Variants in ELL2 observed in about 807,000 individuals in gnomAD.
ELL2 encodes elongation factor for RNA polymerase II 2.
A neutral mutation model predicts 72.8 loss-of-function variants in ELL2; 21 were observed. The observed-to-expected ratio is 0.29, with a 90% CI of 0.20 to 0.42. The LOEUF is 0.42. ELL2 is among the 10% of genes least tolerant of loss of function. The probability of loss-of-function intolerance (pLI) is 1.00; values close to 1 mark genes in which losing one functional copy is unlikely to be tolerated. For synonymous variants in ELL2, 266 were observed against 283.2 expected, an observed-to-expected ratio of 0.94 and a Z score of 0.61; for missense variants, 568 against 772.8, an observed-to-expected ratio of 0.73 and a Z score of 3.14.
At chr5:95,938,454 T>C (rs959839271) in intron 2 of ELL2, among the ~76,000 whole-genome samples, 8 of 152,230 alleles carry the variant, frequency 5.3e-5, no homozygotes, top group Non-Finnish European at 1.0e-4. Context: ...CCCGGTATGG[T>C]GCTTTAAACC....
At chr5:95,918,647 T>C (rs895316469) in intron 3 of ELL2, among the ~76,000 whole-genome samples, 9 of 152,200 alleles carry the variant, frequency 5.9e-5, no homozygotes, top group African/African-American at 1.9e-4. Context: ...TCTAGGGTAC[T>C]TGGGGCTAAT....
intron 4 of ELL2, among the ~76,000 whole-genome samples, chr5:95,909,400 C>CA (rs1190888034): frequency 1.3e-5 from 2 of 152,158 alleles, no homozygotes; most frequent in African/African-American, 4.8e-5. Flanking sequence ...ACTCAAAGAT[C>CA]ACTTGTTCAC....
intron 9 of ELL2, 96 bp downstream of exon 9, chr5:95,895,532 A>C (rs927677944): frequency 8.5e-6 from 10 of 1,171,892 alleles, no homozygotes; most frequent in Non-Finnish European, 1.3e-5. Context: ...CTATTTCTGG[A>C]ACTTCTTACT....
intron 10 of ELL2, chr5:95,890,872 G>C (rs1039022732): frequency 1.9e-6 from 1 of 531,084 alleles, no homozygotes; most frequent in South Asian, 2.0e-5. Flanking sequence ...TTCTCAATAT[G>C]TGATACATTA....
chr5:95,906,139 C>T (rs1177930204), intron 5 of ELL2, among the ~76,000 whole-genome samples: 1 of 152,202 alleles, frequency 6.6e-6, no homozygotes, highest in Non-Finnish European at 1.5e-5. Context: ...AAAAAATGTT[C>T]TGGCTTATAC....
chr5:95,922,849 A>G (rs1750142340), intron 2 of ELL2, among the ~76,000 whole-genome samples: 1 of 152,218 alleles, frequency 6.6e-6, no homozygotes, highest in Admixed American at 6.5e-5. Context: ...TGTACTCACC[A>G]AAGTGTTTTG....
At chr5:95,942,120 T>C (rs1177527712) in intron 2 of ELL2, among the ~76,000 whole-genome samples, 2 of 152,214 alleles carry the variant, frequency 1.3e-5, no homozygotes, top group African/African-American at 4.8e-5. Context: ...GTTTTCCAGT[T>C]ATAAAGGTTA....
intron 4 of ELL2, among the ~76,000 whole-genome samples, chr5:95,907,558 T>C (rs965985491): frequency 7.2e-5 from 11 of 152,230 alleles, no homozygotes; most frequent in Admixed American, 6.5e-4. Context: ...CTAGAACATG[T>C]GTGGGCTGAG....
At chr5:95,937,710 T>A (rs1416907601) in intron 2 of ELL2, among the ~76,000 whole-genome samples, 1 of 152,138 alleles carries the variant, frequency 6.6e-6, no homozygotes, top group Non-Finnish European at 1.5e-5. Context: ...ACTACCTTTA[T>A]AAAGAAATAT....
intron 8 of ELL2, among the ~76,000 whole-genome samples, chr5:95,896,617 G>C (rs533354693): frequency 1.3e-5 from 2 of 152,118 alleles, no homozygotes; most frequent in African/African-American, 4.8e-5. Context: ...ATGCTTTTAC[G>C]ATAGTCTGAG....
At chr5:95,933,686 C>T (rs894255773) in intron 2 of ELL2, among the ~76,000 whole-genome samples, 1 of 151,882 alleles carries the variant, frequency 6.6e-6, no homozygotes, top group African/African-American at 2.4e-5. Context: ...CTTTGTTTTT[C>T]AATCAGAAAA....
chr5:95,907,672 C>CTG (rs1481843117), intron 4 of ELL2, among the ~76,000 whole-genome samples: 1 of 152,194 alleles, frequency 6.6e-6, no homozygotes, highest in Non-Finnish European at 1.5e-5. Context: ...TAGCATGAAA[C>CTG]TGTGTGAGAC....
Position 95,888,848 on chromosome 5 carries a change from C to T in ELL2, c.*23G>A. On this transcript the variant is annotated 3_prime_UTR_variant, in exon 12 of 12. Transcript: ENST00000237853. Reference sequence around the variant, plus strand: ...AAATAAATAAGCTTAAGTTTATTCACATCTTCTGGTCCAAGCAGAGTTCTA... The same window carrying T: ...AAATAAATAAGCTTAAGTTTATTCATATCTTCTGGTCCAAGCAGAGTTCTA... The T allele has an allele frequency of 2.0e-6, 3 of 1,501,796 alleles. No individual in the cohort carries two copies. Among genetic ancestry groups the T allele is most frequent in the Non-Finnish European group, 2.7e-6 (3 of 1,106,586 alleles). 93.0% of individuals were successfully genotyped at this position (1,501,796 alleles called of 1,614,324 possible). A position where few individuals can be genotyped will look rare whatever the true frequency, so the allele number is the denominator to read the frequency against.
chr5:95,951,469 T>C (rs1481823765), intron 1 of ELL2, among the ~76,000 whole-genome samples: 3 of 152,224 alleles, frequency 2.0e-5, no homozygotes, highest in Non-Finnish European at 4.4e-5. Flanking sequence ...GTGGGCCTTA[T>C]AATTGTATAA....
chr5:95,922,031 G>A (rs1458545472), intron 2 of ELL2, among the ~76,000 whole-genome samples: 1 of 152,012 alleles, frequency 6.6e-6, no homozygotes, highest in African/African-American at 2.4e-5. Context: ...ATACCTATCA[G>A]AGAATGTAAG....
chr5:95,901,262 C>T, intron 5 of ELL2, 182 bp from the exon 6 acceptor site: 1 of 510,954 alleles, frequency 2.0e-6, no homozygotes, highest in Non-Finnish European at 3.2e-6. Flanking sequence ...GGAATTAAAG[C>T]TTTATATACA....
chr5:95,940,002 T>G (rs1232354841), intron 2 of ELL2, among the ~76,000 whole-genome samples: 1 of 152,218 alleles, frequency 6.6e-6, no homozygotes, highest in African/African-American at 2.4e-5. Context: ...GAGAATTGGT[T>G]GATTCACTCT....
chr5:95,927,546 CAT>C (rs538489351), intron 2 of ELL2, among the ~76,000 whole-genome samples: 5 of 27,370 alleles, frequency 1.8e-4, no homozygotes, highest in African/African-American at 4.1e-4. Context: ...TGTATATAGA[CAT>C]ACACACACAC....
At chr5:95,900,167 G>A (rs1749083274) in intron 7 of ELL2, 2 of 152,204 alleles carry the variant, frequency 1.3e-5, no homozygotes, top group South Asian at 2.1e-4. Context: ...TTTCTTGGAT[G>A]AGCTGAATCT....
Sources: allele counts gnomAD v4.1 joint callset (sites outside exome capture counted in the v4.1 genomes callset), GRCh38; gene constraint gnomAD v4.1.1; transcripts MANE v1.5; gene names NCBI Gene and HGNC (gene_info 2026-07-23, HGNC 2026-07-21).